The following CACNA1D variants were observed in gnomAD, a reference collection of about 807,000 sequenced individuals.
The protein encoded by CACNA1D is voltage-dependent L-type calcium channel subunit alpha-1D.
A neutral mutation model predicts 257.1 loss-of-function variants in CACNA1D; 55 were observed. The observed-to-expected ratio is 0.21, with a 90% CI of 0.17 to 0.27. CACNA1D has a LOEUF of 0.27. Ranked by LOEUF, CACNA1D falls within the 10% of genes least tolerant of loss-of-function variation. CACNA1D has a pLI of 1.00. For missense variants in CACNA1D, 1,876 were observed against 2,784.0 expected (o/e 0.67, Z 7.34); for synonymous variants, 980 against 1,014.9 (o/e 0.97, Z 0.65).
chr3:53,745,240 T>C (rs2095156702), intron 23 of CACNA1D, among the ~76,000 whole-genome samples: 1 of 144,886 alleles, frequency 6.9e-6, no homozygotes, highest in Non-Finnish European at 1.5e-5. Context: ...TAGCATTTCT[T>C]CTTTTTTTTT....
intron 3 of CACNA1D, among the ~76,000 whole-genome samples, chr3:53,545,068 T>A (rs2092382759): frequency 6.6e-6 from 1 of 152,238 alleles, no homozygotes. Context: ...CCCATTGTAT[T>A]CACAAAGAAA....
At chr3:53,752,152 A>G (rs1390488950) in intron 28 of CACNA1D, among the ~76,000 whole-genome samples, 3 of 152,174 alleles carry the variant, frequency 2.0e-5, no homozygotes, top group Non-Finnish European at 2.9e-5. Flanking sequence ...GGAGCCTGGC[A>G]TTGGTGCTCA....
At chr3:53,612,055 T>C (rs2093589322) in intron 3 of CACNA1D, among the ~76,000 whole-genome samples, 1 of 152,224 alleles carries the variant, frequency 6.6e-6, no homozygotes, top group South Asian at 2.1e-4. Flanking sequence ...TCTAGAAATT[T>C]CATTTGATTT....
At chr3:53,770,087 C>A in intron 31 of CACNA1D, 70 bp downstream of exon 31, 1 of 1,277,766 alleles carries the variant, frequency 7.8e-7, no homozygotes, top group Non-Finnish European at 1.1e-6. Flanking sequence ...TCGAGTTTTC[C>A]ACTGGTTTTT....
intron 3 of CACNA1D, among the ~76,000 whole-genome samples, chr3:53,632,318 C>CT (rs764171577): frequency 8.5e-5 from 13 of 152,228 alleles, no homozygotes; most frequent in Non-Finnish European, 1.6e-4. Flanking sequence ...TAGCTTCCAA[C>CT]TTTCTCTGCA....
At chr3:53,797,149 G>A (rs2095511111) in intron 40 of CACNA1D, among the ~76,000 whole-genome samples, 1 of 152,188 alleles carries the variant, frequency 6.6e-6, no homozygotes, top group Admixed American at 6.5e-5. Flanking sequence ...TATTTCTGGG[G>A]ATTGGAACTT....
In CACNA1D at chr3:53,803,546, G is replaced by A. The variant is rs1390438857; in HGVS notation, c.5559G>A (p.Glu1853=). 1 of 1,614,058 alleles carries A rather than the reference G, an allele frequency of 6.2e-7. No individual in the cohort carries two copies. Among genetic ancestry groups the A allele is most frequent in the Non-Finnish European group, 8.5e-7 (1 of 1,180,034 alleles). Residue 1853 remains glutamate (E), a synonymous_variant, in exon 44 of 48, where the codon GAG becomes GAA. Coordinates refer to ENST00000350061, the MANE Select transcript of CACNA1D (RefSeq NM_001128840.3). Reference sequence around the variant, plus strand: ...ATTTCAGTAGTGAGGAATGCTACGAGGATGACAGCTCGCCCACCTGGAGCA... The same window carrying A: ...ATTTCAGTAGTGAGGAATGCTACGAAGATGACAGCTCGCCCACCTGGAGCA... ...QEYFSSEECY[E]DDSSPTWSRQ...
At chr3:53,500,814 A>C (rs1029333733) in intron 2 of CACNA1D, among the ~76,000 whole-genome samples, 2 of 152,224 alleles carry the variant, frequency 1.3e-5, no homozygotes, top group Non-Finnish European at 2.9e-5. Flanking sequence ...GGCTGATCTC[A>C]AAGTGATTCT....
At chr3:53,744,159 G>A (rs181480472) in intron 22 of CACNA1D, among the ~76,000 whole-genome samples, 101 of 151,002 alleles carry the variant, frequency 6.7e-4, no homozygotes, top group African/African-American at 2.2e-3. Context: ...TATTGTCCTC[G>A]CTAACCCCTA....
intron 7 of CACNA1D, among the ~76,000 whole-genome samples, chr3:53,669,583 C>T (rs1181814422): frequency 1.3e-5 from 2 of 152,186 alleles, no homozygotes; most frequent in Non-Finnish European, 2.9e-5. Flanking sequence ...TTCTCAAGCT[C>T]ATTTATGCCT....
chr3:53,619,849 G>C (rs34040692), intron 3 of CACNA1D, among the ~76,000 whole-genome samples: 1 of 152,186 alleles, frequency 6.6e-6, no homozygotes, highest in Non-Finnish European at 1.5e-5. Flanking sequence ...GCAGTGCCTA[G>C]GACACATGCG....
intron 29 of CACNA1D, among the ~76,000 whole-genome samples, chr3:53,759,239 C>T (rs975176330): frequency 3.3e-5 from 5 of 152,172 alleles, no homozygotes; most frequent in Admixed American, 1.3e-4. Context: ...TTGATTTAAA[C>T]GGATTTTATC....
At chr3:53,658,468 T>C (rs2094170989) in intron 4 of CACNA1D, among the ~76,000 whole-genome samples, 1 of 152,232 alleles carries the variant, frequency 6.6e-6, no homozygotes, top group Non-Finnish European at 1.5e-5. Flanking sequence ...TTCATGTGTT[T>C]TCAAGGACAT....
At chr3:53,632,266 G>A (rs866464783) in intron 3 of CACNA1D, among the ~76,000 whole-genome samples, 2 of 152,182 alleles carry the variant, frequency 1.3e-5, no homozygotes, top group African/African-American at 4.8e-5. Context: ...TTTATGTTAT[G>A]GAGATGGCTG....
chr3:53,625,749 C>T (rs549885627), intron 3 of CACNA1D, among the ~76,000 whole-genome samples: 2 of 152,318 alleles, frequency 1.3e-5, no homozygotes, highest in African/African-American at 4.8e-5. Context: ...ATTAGACCTT[C>T]ATGTTCATTT....
chr3:53,812,102 T>C lies in CACNA1D; in HGVS notation c.*696T>C, dbSNP rs1179024574. On this transcript the variant is annotated 3_prime_UTR_variant, in exon 48 of 48. Coordinates refer to ENST00000350061, the MANE Select transcript of CACNA1D (RefSeq NM_001128840.3). ...GGGCAACTGTAAACTGGAATAATAATGCACTCGCAACCAGGTAAACTTAGA... is the reference window on the plus strand; with the variant it reads ...GGGCAACTGTAAACTGGAATAATAACGCACTCGCAACCAGGTAAACTTAGA... The C allele has an allele frequency of 1.3e-5, 2 of 152,278 alleles. 1 individual carries two copies. The highest frequency in any genetic ancestry group is 4.8e-5 in the African/African-American group (2 of 41,462). The allele number at this position is 152,278 out of a possible 1,614,324, so 9.4% of individuals were successfully genotyped here.
At position 53,751,730 on chromosome 3, in the gene CACNA1D, C is replaced by T. The variant is rs762423592; in HGVS notation, c.3517-19C>T. ...GCAAGTGCTCAGAACCCCGTTTCTGCCCTTTTCTGCTGTTGCAGCGTCAGT... is the reference window on the plus strand; with the variant it reads ...GCAAGTGCTCAGAACCCCGTTTCTGTCCTTTTCTGCTGTTGCAGCGTCAGT... On this transcript the variant is annotated intron_variant, in intron 27 of 47. Transcript: ENST00000350061. The surrounding 1 kb of genome is among the most constrained non-coding windows in gnomAD (Gnocchi z 4.3). The T allele has an allele frequency of 1.2e-6, 2 of 1,614,146 alleles. No homozygotes were observed. Among genetic ancestry groups the T allele is most frequent in the South Asian group, 2.2e-5 (2 of 91,082 alleles).
intron 32 of CACNA1D, among the ~76,000 whole-genome samples, chr3:53,770,923 C>T (rs1285123713): frequency 6.6e-6 from 1 of 152,230 alleles, no homozygotes; most frequent in East Asian, 1.9e-4. Context: ...GACACCTTTT[C>T]CTCATAAGGC....
At chr3:53,537,558 T>A (rs1354973600) in intron 3 of CACNA1D, among the ~76,000 whole-genome samples, 2 of 148,596 alleles carry the variant, frequency 1.3e-5, no homozygotes, top group African/African-American at 5.1e-5. Flanking sequence ...GAGAAAAAAA[T>A]AATAATTCCT....
Sources: allele counts gnomAD v4.1 joint callset (sites outside exome capture counted in the v4.1 genomes callset), GRCh38; gene constraint gnomAD v4.1.1; non-coding constraint Gnocchi (gnomAD v3.1); transcripts MANE v1.5; gene names NCBI Gene and HGNC (gene_info 2026-07-23, HGNC 2026-07-21).